LINGO1: variants seen among roughly 807,000 people sequenced by gnomAD.
LINGO1 encodes the protein leucine-rich repeat and immunoglobulin-like domain-containing nogo receptor-interacting protein 1.
In LINGO1, 11 loss-of-function variants were observed where a neutral mutation model predicts 37.3. The ratio of observed to expected loss-of-function variants is 0.29; its 90% CI spans 0.19 to 0.49. The LOEUF is 0.49. Ranked by LOEUF, LINGO1 falls within the 20% of genes least tolerant of loss-of-function variation. The pLI is 0.99. For synonymous variants in LINGO1, 387 were observed against 403.0 expected (o/e 0.96, Z 0.48); for missense variants, 585 against 878.2 (o/e 0.67, Z 4.22).
At chr15:77,735,686 G>C (rs552988285) in intron 1 of LINGO1, among the ~76,000 whole-genome samples, 2 of 152,312 alleles carry the variant, frequency 1.3e-5, no homozygotes, top group East Asian at 3.9e-4. Flanking sequence ...GTAGGTCCTG[G>C]GGGTGGTGGG....
chr15:77,769,390 C>A (rs1264083548), intron 1 of LINGO1, among the ~76,000 whole-genome samples: 2 of 152,226 alleles, frequency 1.3e-5, no homozygotes, highest in African/African-American at 2.4e-5. Context: ...GGTCCCCCCC[C>A]AGCCTCCCCT....
chr15:77,777,321 C>T (rs182778280), intron 1 of LINGO1, among the ~76,000 whole-genome samples: 462 of 152,204 alleles, frequency 3.0e-3, no homozygotes, highest in Non-Finnish European at 4.9e-3. Context: ...ACAGCACAGG[C>T]GCACACACTT....
At position 77,663,091 on chromosome 15, in the gene LINGO1, C is replaced by G. The variant is rs916294800; in HGVS notation, c.-13+13998G>C. On this transcript the variant is annotated intron_variant, in intron 3 of 3. Transcript: ENST00000559893. ...ATAGACATCCAGTCCAGGGCTAAGT[C>G]TGCCCCAGTGGCATCTGGAAGTCCT... Among the ~76,000 whole-genome samples the G allele has an allele frequency of 2.0e-5, 3 of 152,230 alleles. 1 individual carries two copies. Among genetic ancestry groups the G allele is most frequent in the Admixed American group, 2.0e-4 (3 of 15,290 alleles).
At chr15:77,794,722 G>C (rs904890606) in intron 2 of LINGO1, among the ~76,000 whole-genome samples, 4 of 151,176 alleles carry the variant, frequency 2.6e-5, no homozygotes, top group African/African-American at 9.7e-5. Context: ...CGAGTAGCTG[G>C]GACTACAGGC....
At chr15:77,726,449 G>A (rs2076102990) in intron 2 of LINGO1, among the ~76,000 whole-genome samples, 1 of 152,238 alleles carries the variant, frequency 6.6e-6, no homozygotes, top group South Asian at 2.1e-4. Flanking sequence ...CACAAGTCCT[G>A]TCCTCATTAG....
At chr15:77,644,871 G>A (rs2074590166) in intron 3 of LINGO1, among the ~76,000 whole-genome samples, 1 of 152,280 alleles carries the variant, frequency 6.6e-6, no homozygotes, top group African/African-American at 2.4e-5. Flanking sequence ...CACTGGGTGG[G>A]CTCTCCTCTA....
At chr15:77,802,239 A>G (rs902455263) in intron 1 of LINGO1, among the ~76,000 whole-genome samples, 1 of 151,466 alleles carries the variant, frequency 6.6e-6, no homozygotes, top group Non-Finnish European at 1.5e-5. Flanking sequence ...GTGGGTTCCA[A>G]GCGGTGCAGA....
chr15:77,686,386 C>T (rs955744105), intron 2 of LINGO1, among the ~76,000 whole-genome samples: 8 of 152,358 alleles, frequency 5.3e-5, no homozygotes, highest in Non-Finnish European at 8.8e-5. Flanking sequence ...AAGCCCCCAG[C>T]TCCTACTGCA....
chr15:77,672,495 A>T lies in LINGO1; in HGVS notation c.-13+4594T>A, dbSNP rs1389990883. Among the ~76,000 whole-genome samples the T allele has an allele frequency of 2.0e-5, 3 of 152,102 alleles. No individual in the cohort carries two copies. The South Asian group carries it at 6.2e-4, about 32-fold the overall frequency. ...AGACCCAGCCAAATGGCAGGCAGGGATGCAGAGTGGGGTGTCAGGGGGCGC... is the reference window on the plus strand; with the variant it reads ...AGACCCAGCCAAATGGCAGGCAGGGTTGCAGAGTGGGGTGTCAGGGGGCGC... On this transcript the variant is annotated intron_variant, in intron 3 of 3. Transcript: ENST00000559893.
chr15:77,705,174 G>GACACACACACACACACACAC (rs72451354), intron 2 of LINGO1, among the ~76,000 whole-genome samples: 4,338 of 98,836 alleles, frequency 0.044, 318 homozygotes, highest in Admixed American at 0.068. Flanking sequence ...CCCCTGCCAT[G>GACACACACACACACACACAC]ACACACACAC....
At chr15:77,687,356 G>A (rs528010761) in intron 2 of LINGO1, among the ~76,000 whole-genome samples, 1 of 152,298 alleles carries the variant, frequency 6.6e-6, no homozygotes, top group East Asian at 1.9e-4. Flanking sequence ...GTCTTAATGA[G>A]GGACATTTTC....
At chr15:77,646,734 T>C (rs777898403) in intron 3 of LINGO1, among the ~76,000 whole-genome samples, 2 of 152,178 alleles carry the variant, frequency 1.3e-5, no homozygotes, top group African/African-American at 2.4e-5. Flanking sequence ...GGATGGAGCT[T>C]TGATAGTCAG....
At chr15:77,721,518 C>T (rs963481698) in intron 2 of LINGO1, among the ~76,000 whole-genome samples, 4 of 152,204 alleles carry the variant, frequency 2.6e-5, no homozygotes, top group East Asian at 1.9e-4. Flanking sequence ...CGCAGCTTCA[C>T]GACATTGTTG....
intron 2 of LINGO1, among the ~76,000 whole-genome samples, chr15:77,684,519 C>T (rs535758071): frequency 9.2e-5 from 14 of 152,318 alleles, no homozygotes; most frequent in Admixed American, 6.5e-4. Context: ...CTGGGATTTG[C>T]CTTCCCCTGC....
chr15:77,792,777 T>C (rs1023350118), intron 2 of LINGO1, among the ~76,000 whole-genome samples: 1 of 152,232 alleles, frequency 6.6e-6, no homozygotes, highest in Admixed American at 6.5e-5. Context: ...TATTCACCCA[T>C]GGATGCCATG....
intron 2 of LINGO1, among the ~76,000 whole-genome samples, chr15:77,680,183 A>C (rs1324068702): frequency 6.6e-6 from 1 of 152,170 alleles, no homozygotes; most frequent in Admixed American, 6.5e-5. Context: ...AAGATGATGG[A>C]GCTCCTGGCA....
intron 1 of LINGO1, among the ~76,000 whole-genome samples, chr15:77,776,343 C>T (rs990421358): frequency 3.3e-5 from 5 of 151,888 alleles, no homozygotes; most frequent in Admixed American, 6.6e-5. Flanking sequence ...AGGGCCCTTC[C>T]AGCACCCCCT....
rs1374122063 is a variant in LINGO1 at position 77,632,312 on chromosome 15, G to C, written c.4C>G (p.Gln2Glu). 17 of 1,441,006 alleles carry C rather than the reference G, an allele frequency of 1.2e-5. No homozygotes were observed. The highest frequency in any genetic ancestry group is 2.1e-4 in the Middle Eastern group (1 of 4,764). The allele number at this position is 1,441,006 out of a possible 1,614,324, so 89.3% of individuals were successfully genotyped here. M[Q>E]VSKRMLAGGV... ...TCGGCCGCGGCCGCCTGGCTCACCTGCATCTCGGGCGCGCCTTCGGTCCGC... is the reference window on the plus strand; with the variant it reads ...TCGGCCGCGGCCGCCTGGCTCACCTCCATCTCGGGCGCGCCTTCGGTCCGC... Residue 2 changes from glutamine to glutamate, a missense_variant and splice_region_variant, in exon 1 of 2, where the codon CAG (glutamine) becomes GAG (glutamate). Gln to Glu is a conservative substitution (Grantham distance 29, BLOSUM62 2). Around this residue, in one of 4 missense-constraint regions of LINGO1, gnomAD observed 65 missense variants for 57.0 expected, o/e 1.14. Coordinates refer to ENST00000355300, the MANE Select transcript of LINGO1 (RefSeq NM_032808.7). This position sits in a 1 kb window ranked among gnomAD's most constrained non-coding sequence, Gnocchi z 6.0.
chr15:77,636,556 G>C (rs2074400336), upstream of LINGO1, among the ~76,000 whole-genome samples: 1 of 152,122 alleles, frequency 6.6e-6, no homozygotes, highest in Admixed American at 6.5e-5. Flanking sequence ...GCCCTGTGGA[G>C]CTGGGTGCTC....
Sources: gnomAD v4.1 joint callset for allele counts (sites outside exome capture counted in the v4.1 genomes callset) on GRCh38, gnomAD v4.1.1 for gene constraint, gnomAD v4.1.1 regional missense constraint, Gnocchi (gnomAD v3.1) non-coding constraint, MANE v1.5 for transcripts, NCBI Gene and HGNC (gene_info 2026-07-23, HGNC 2026-07-21) for gene names.